The following FRMD3 variants were observed in gnomAD, a reference collection of about 807,000 sequenced individuals.
FRMD3 encodes FERM domain containing 3.
FRMD3 carries 33 observed loss-of-function variants against 70.2 expected under a neutral mutation model. The ratio of observed to expected loss-of-function variants is 0.47; its 90% CI spans 0.36 to 0.63. The LOEUF is 0.63. Among genes scored for constraint, FRMD3 ranks in the 20% least tolerant of loss-of-function variants. FRMD3 has a pLI of 0.00. For missense variants in FRMD3, 632 were observed against 711.4 expected (o/e 0.89, Z 1.27); for synonymous variants, 279 against 255.9 (o/e 1.09, Z -0.86).
At chr9:83,297,443 GACTTA>G (rs1485008035) in intron 12 of FRMD3, 2 of 210,762 alleles carry the variant, frequency 9.5e-6, no homozygotes, top group Non-Finnish European at 1.9e-5. Flanking sequence ...TTGGATAAAT[GACTTA>G]ACTTGTGTGA....
chr9:83,507,594 T>G (rs917214187), intron 1 of FRMD3, among the ~76,000 whole-genome samples: 6 of 146,924 alleles, frequency 4.1e-5, no homozygotes, highest in African/African-American at 1.5e-4. Context: ...GGCATGAACC[T>G]GGGAGGCAGA....
chr9:83,297,423 A>T (rs2119011792), intron 12 of FRMD3: 1 of 199,518 alleles, frequency 5.0e-6, no homozygotes, highest in African/African-American at 2.3e-5. Flanking sequence ...CATCAAAAAA[A>T]GTCAGGACCT....
intron 3 of FRMD3, among the ~76,000 whole-genome samples, chr9:83,354,696 T>G (rs920814660): frequency 1.3e-5 from 2 of 151,958 alleles, no homozygotes; most frequent in Admixed American, 1.3e-4. Context: ...ACACATTCAG[T>G]AGGGGTAAAC....
At chr9:83,367,251 T>C (rs1824820589) in intron 3 of FRMD3, among the ~76,000 whole-genome samples, 1 of 152,198 alleles carries the variant, frequency 6.6e-6, no homozygotes. Context: ...GGCAATGGCA[T>C]AGGGAAATGA....
intron 13 of FRMD3, among the ~76,000 whole-genome samples, chr9:83,258,555 T>A (rs1832831424): frequency 1.3e-5 from 2 of 152,226 alleles, no homozygotes; most frequent in South Asian, 2.1e-4. Flanking sequence ...GACACTTAAC[T>A]ATCTCACAAG....
chr9:83,565,135 AT>A, the FRMD3 span, among the ~76,000 whole-genome samples: 1 of 152,124 alleles, frequency 6.6e-6, no homozygotes, highest in African/African-American at 2.4e-5. Context: ...CAGGTACACA[AT>A]TGTTCCAGTT....
intron 3 of FRMD3, among the ~76,000 whole-genome samples, chr9:83,368,395 G>T (rs780123534): frequency 6.6e-6 from 1 of 151,804 alleles, no homozygotes; most frequent in Non-Finnish European, 1.5e-5. Context: ...GCAGTGGCAC[G>T]ATCTCGGCTC....
downstream of FRMD3, chr9:83,243,361 A>ATCC: frequency 1.3e-6 from 1 of 793,630 alleles, no homozygotes; most frequent in Non-Finnish European, 2.1e-6. Context: ...AACCACAACC[A>ATCC]TCCCAGAAGT....
At chr9:83,427,889 A>T (rs1335154111) in intron 1 of FRMD3, among the ~76,000 whole-genome samples, 1 of 152,202 alleles carries the variant, frequency 6.6e-6, no homozygotes, top group Non-Finnish European at 1.5e-5. Context: ...TTAAAGTCTG[A>T]CATTTCCAAG....
the FRMD3 span, among the ~76,000 whole-genome samples, chr9:83,557,826 T>C: frequency 6.6e-6 from 1 of 152,180 alleles, no homozygotes; most frequent in African/African-American, 2.4e-5. Flanking sequence ...GTCAGGAAGA[T>C]GTGAAGGCCC....
chr9:83,565,824 G>A, the FRMD3 span, among the ~76,000 whole-genome samples: 1 of 152,346 alleles, frequency 6.6e-6, no homozygotes, highest in South Asian at 2.1e-4. Flanking sequence ...GCAGGCCAGT[G>A]GAGAAATTTG....
the FRMD3 span, among the ~76,000 whole-genome samples, chr9:83,557,931 C>G: frequency 1.4e-4 from 21 of 152,150 alleles, no homozygotes; most frequent in Admixed American, 4.6e-4. Context: ...TTGCCTATGG[C>G]TCTAAATTGC....
At chr9:83,442,563 G>A (rs1233128929) in intron 1 of FRMD3, among the ~76,000 whole-genome samples, 1 of 151,756 alleles carries the variant, frequency 6.6e-6, no homozygotes, top group African/African-American at 2.4e-5. Context: ...GAAAAATAAG[G>A]TTCTAAACTA....
chr9:83,426,296 C>T (rs1441566123), intron 1 of FRMD3, among the ~76,000 whole-genome samples: 2 of 152,182 alleles, frequency 1.3e-5, no homozygotes, highest in South Asian at 2.1e-4. Flanking sequence ...TGCAGCCAGA[C>T]GAAAATCTGT....
the FRMD3 span, among the ~76,000 whole-genome samples, chr9:83,574,784 G>A: frequency 6.6e-6 from 1 of 152,094 alleles, no homozygotes; most frequent in Non-Finnish European, 1.5e-5. Flanking sequence ...AGAAAAAGGG[G>A]TATCAGGAAA....
At chr9:83,578,093 T>C in the FRMD3 span, among the ~76,000 whole-genome samples, 1 of 151,754 alleles carries the variant, frequency 6.6e-6, no homozygotes, top group African/African-American at 2.4e-5. Flanking sequence ...GATAAATTTC[T>C]AGACACAAAC....
At chr9:83,452,472 TG>T (rs1827689099) in intron 1 of FRMD3, among the ~76,000 whole-genome samples, 1 of 60,522 alleles carries the variant, frequency 1.7e-5, no homozygotes, top group African/African-American at 4.4e-5. Flanking sequence ...ATGCTTGAGT[TG>T]TTTTTTTTGT....
chr9:83,311,996 AAAAG>A, intron 7 of FRMD3, 21 bp from the exon 8 acceptor site: 3 of 1,544,864 alleles, frequency 1.9e-6, no homozygotes, highest in Non-Finnish European at 2.6e-6. Context: ...AAAAAAAGAA[AAAAG>A]AAAAATCTGT....
chr9:83,463,813 G>T (rs1190009114), intron 1 of FRMD3, among the ~76,000 whole-genome samples: 2 of 152,166 alleles, frequency 1.3e-5, no homozygotes, highest in Non-Finnish European at 2.9e-5. Context: ...TAAAGAAATT[G>T]GGCCCTTGCC....
Sources: allele counts gnomAD v4.1 joint callset (sites outside exome capture counted in the v4.1 genomes callset), GRCh38; gene constraint gnomAD v4.1.1; transcripts MANE v1.5; gene names NCBI Gene and HGNC (gene_info 2026-07-23, HGNC 2026-07-21).